SHLD1: variants seen among roughly 807,000 people sequenced by gnomAD.
SHLD1 encodes shieldin complex subunit 1, also known as RINN1-REV7-interacting novel NHEJ regulator 3.
In SHLD1, 3 loss-of-function variants were observed where a neutral mutation model predicts 5.5. The ratio of observed to expected loss-of-function variants is 0.54; its 90% confidence interval spans 0.25 to 1.40. The LOEUF is 1.40. Among genes scored for constraint, SHLD1 ranks in the 40% most tolerant of loss-of-function variants. The probability of loss-of-function intolerance (pLI) is 0.15; values close to 1 mark genes in which losing one functional copy is unlikely to be tolerated. For synonymous variants in SHLD1, 92 were observed against 94.3 expected (o/e 0.98, Z 0.14); for missense variants, 210 against 244.4 (o/e 0.86, Z 0.94).
At chr20:5,795,126 C>T (rs1044126458) in intron 2 of SHLD1, among the ~76,000 whole-genome samples, 3 of 151,860 alleles carry the variant, frequency 2.0e-5, no homozygotes, top group Admixed American at 1.3e-4. Flanking sequence ...GTAATCCCAG[C>T]TACTCGGGGG....
At chr20:5,835,253 T>C (rs1050674262) in intron 2 of SHLD1, among the ~76,000 whole-genome samples, 1 of 152,222 alleles carries the variant, frequency 6.6e-6, no homozygotes, top group African/African-American at 2.4e-5. Flanking sequence ...TTCCCGCTAG[T>C]TGTGTTGATG....
At chr20:5,853,805 T>C (rs994120602) in intron 2 of SHLD1, among the ~76,000 whole-genome samples, 4 of 152,002 alleles carry the variant, frequency 2.6e-5, no homozygotes, top group African/African-American at 9.7e-5. Flanking sequence ...AACCACCTTT[T>C]ATTTGCCTGT....
intron 2 of SHLD1, among the ~76,000 whole-genome samples, chr20:5,784,664 T>C (rs111920247): frequency 1.3e-5 from 2 of 151,916 alleles, no homozygotes; most frequent in South Asian, 2.1e-4. Context: ...GTTAGCCAGG[T>C]TGGTCTCGAT....
chr20:5,800,463 G>A (rs1161491720), intron 2 of SHLD1, among the ~76,000 whole-genome samples: 1 of 152,214 alleles, frequency 6.6e-6, no homozygotes, highest in Non-Finnish European at 1.5e-5. Context: ...GGAGGCCAAG[G>A]TGGGTGGATC....
In SHLD1 at chr20:5,855,241, T is replaced by A. The variant is rs924606954; in HGVS notation, c.179-7783T>A. On this transcript the variant is annotated intron_variant, in intron 2 of 2. Transcript: ENST00000303142. This position sits in a 1 kb window ranked among gnomAD's most constrained non-coding sequence, Gnocchi z 4.4. ...AAGTGGAATCATACAGTATTTTTCC[T>A]ATTGTGGCTGGCTTATTTCACTTAG... 1.3e-5 allele frequency among the ~76,000 whole-genome samples: 2 copies of A among 152,150 alleles called. No homozygotes were observed. Among genetic ancestry groups the A allele is most frequent in the African/African-American group, 4.8e-5 (2 of 41,444 alleles).
chr20:5,850,945 T>C (rs1367146553), intron 2 of SHLD1, among the ~76,000 whole-genome samples: 1 of 152,196 alleles, frequency 6.6e-6, no homozygotes, highest in Admixed American at 6.5e-5. Flanking sequence ...GAGGGACAAG[T>C]GGGCCACTTT....
rs111352015 is a variant in SHLD1, at chr20:5,816,520, G to T, written c.178+43477G>T. Among the ~76,000 whole-genome samples, 1,048 of 152,246 alleles carry T rather than the reference G, an allele frequency of 6.9e-3. 9 individuals carry two copies. The highest frequency in any genetic ancestry group is 0.024 in the African/African-American group (1,015 of 41,552). Reference sequence around the variant, plus strand: ...GTCTTAAAAAGGAAGATTGTTGAGGGCAATATCTACATTTCACAGATGAGG... The same window carrying T: ...GTCTTAAAAAGGAAGATTGTTGAGGTCAATATCTACATTTCACAGATGAGG... On this transcript the variant is annotated intron_variant, in intron 2 of 2. Coordinates refer to ENST00000303142, the MANE Select transcript of SHLD1 (RefSeq NM_152504.4).
intron 2 of SHLD1, among the ~76,000 whole-genome samples, chr20:5,835,367 A>T (rs2087777174): frequency 6.6e-6 from 1 of 152,238 alleles, no homozygotes; most frequent in Non-Finnish European, 1.5e-5. Context: ...CCAGGAGACC[A>T]TAGCTAGAAC....
In SHLD1 at chr20:5,863,268, C is replaced by T. The variant is rs563013439; in HGVS notation, c.423C>T (p.Ala141=). 5.6e-6 allele frequency: 9 copies of T among 1,614,148 alleles called. No individual in the cohort carries two copies. The South Asian group carries it at 6.6e-5, about 12-fold the overall frequency. ...QLRGQESQKY[A]LRSFQMARVI... ...GAGGCCAGGAGAGCCAAAAGTATGC[C>T]CTCCGCAGTTTTCAAATGGCCCGGG... Residue 141 remains alanine, a synonymous_variant, in exon 3 of 3, where the codon GCC becomes GCT. Coordinates refer to ENST00000303142, the MANE Select transcript of SHLD1 (RefSeq NM_152504.4).
chr20:5,777,502 G>A (rs1825907453), intron 2 of SHLD1, among the ~76,000 whole-genome samples: 2 of 151,658 alleles, frequency 1.3e-5, no homozygotes, highest in Non-Finnish European at 2.9e-5. Flanking sequence ...GTGCAGTATT[G>A]TGGTTCCCCT....
chr20:5,793,975 G>T (rs1252870697), intron 2 of SHLD1, among the ~76,000 whole-genome samples: 3 of 151,966 alleles, frequency 2.0e-5, no homozygotes, highest in Non-Finnish European at 4.4e-5. Flanking sequence ...CTCCCAAAGT[G>T]CTGGGATTAC....
chr20:5,850,039 G>A (rs528738005), intron 2 of SHLD1, among the ~76,000 whole-genome samples: 1 of 149,158 alleles, frequency 6.7e-6, no homozygotes, highest in South Asian at 2.1e-4. Context: ...AGCACTTTGG[G>A]AGGCCGGAGC....
intron 2 of SHLD1, among the ~76,000 whole-genome samples, chr20:5,853,398 A>T (rs1438832981): frequency 6.6e-6 from 1 of 152,148 alleles, no homozygotes; most frequent in Non-Finnish European, 1.5e-5. Context: ...GTCAGCCAAG[A>T]TCGCGCCACT....
chr20:5,815,132 A>G (rs911763494), intron 2 of SHLD1, among the ~76,000 whole-genome samples: 1 of 152,226 alleles, frequency 6.6e-6, no homozygotes, highest in East Asian at 1.9e-4. Context: ...TCTCCTGAGC[A>G]GATACGCTTG....
intron 2 of SHLD1, among the ~76,000 whole-genome samples, chr20:5,843,324 A>G (rs999723185): frequency 1.4e-4 from 17 of 123,264 alleles, no homozygotes; most frequent in African/African-American, 5.8e-4. Context: ...ATTTTCTTTT[A>G]TCAGGTTAAA....
intron 2 of SHLD1, among the ~76,000 whole-genome samples, chr20:5,814,642 C>G (rs371367611): frequency 7.5e-6 from 1 of 133,022 alleles, no homozygotes; most frequent in Non-Finnish European, 1.6e-5. Context: ...ATTACTTTTT[C>G]TTTTTCTTCT....
chr20:5,779,365 T>A (rs997640927), intron 2 of SHLD1, among the ~76,000 whole-genome samples: 2 of 152,188 alleles, frequency 1.3e-5, no homozygotes, highest in African/African-American at 4.8e-5. Context: ...AGTTTCAGAA[T>A]TGTCCAGGGG....
chr20:5,763,691 G>A (rs557449815), intron 1 of SHLD1, among the ~76,000 whole-genome samples: 11 of 152,114 alleles, frequency 7.2e-5, no homozygotes, highest in South Asian at 2.1e-4. Context: ...ACAGACCACC[G>A]GCAGTTCCTG....
intron 2 of SHLD1, among the ~76,000 whole-genome samples, chr20:5,813,313 C>A (rs189824627): frequency 6.6e-6 from 1 of 151,984 alleles, no homozygotes; most frequent in Non-Finnish European, 1.5e-5. Flanking sequence ...CGTGGTGAAA[C>A]CCTGTCTCTA....
Sources: gnomAD v4.1 joint callset for allele counts (sites outside exome capture counted in the v4.1 genomes callset) on GRCh38, gnomAD v4.1.1 for gene constraint, Gnocchi (gnomAD v3.1) non-coding constraint, MANE v1.5 for transcripts, NCBI Gene and HGNC (gene_info 2026-07-23, HGNC 2026-07-21) for gene names.